Variants in ASIC2 observed in about 807,000 individuals in gnomAD.
ASIC2 encodes the protein acid-sensing ion channel 2.
ASIC2 carries 25 observed loss-of-function variants against 57.3 expected under a neutral mutation model. The observed-to-expected ratio is 0.44, with a 90% CI of 0.32 to 0.61. The LOEUF (loss-of-function observed/expected upper bound fraction) is 0.61. ASIC2 is among the 20% of genes least tolerant of loss of function. ASIC2 has a pLI of 0.06. For missense variants in ASIC2, 641 were observed against 738.1 expected, an observed-to-expected ratio of 0.87 and a Z score of 1.52; for synonymous variants, 319 against 307.5, an observed-to-expected ratio of 1.04 and a Z score of -0.39.
chr17:33,507,770 G>T (rs974958890), intron 1 of ASIC2, among the ~76,000 whole-genome samples: 2 of 152,084 alleles, frequency 1.3e-5, no homozygotes, highest in Non-Finnish European at 2.9e-5. Flanking sequence ...GGGCCTGGTG[G>T]CACATATGCC....
chr17:33,190,129 T>TA (rs1906355617), intron 1 of ASIC2, among the ~76,000 whole-genome samples: 1 of 152,124 alleles, frequency 6.6e-6, no homozygotes, highest in African/African-American at 2.4e-5. Flanking sequence ...ATCATCTACA[T>TA]AAAAAATCCT....
chr17:33,492,211 T>C (rs567044019), intron 1 of ASIC2, among the ~76,000 whole-genome samples: 6 of 152,368 alleles, frequency 3.9e-5, no homozygotes, highest in African/African-American at 1.4e-4. Flanking sequence ...ATTCATTTAA[T>C]CTGCACAGCA....
chr17:33,464,475 C>CTTTCT (rs1567620854), intron 1 of ASIC2, among the ~76,000 whole-genome samples: 4 of 73,958 alleles, frequency 5.4e-5, no homozygotes, highest in Admixed American at 1.3e-4. Context: ...TTCTTTCTTT[C>CTTTCT]TTTTCTCTCT....
At chr17:34,059,418 G>A (rs192684830) in intron 1 of ASIC2, among the ~76,000 whole-genome samples, 2 of 152,150 alleles carry the variant, frequency 1.3e-5, no homozygotes, top group Admixed American at 6.5e-5. Context: ...AGGAGCAGAG[G>A]GTAAAACTCC....
rs563122052 is a variant in ASIC2 at position 33,834,739 on chromosome 17, T to G, written c.555+321239A>C. 4.9e-4 allele frequency among the ~76,000 whole-genome samples: 74 copies of G among 152,312 alleles called. No individual in the cohort carries two copies. In the South Asian group the frequency reaches 0.014, roughly 29 times the overall value. The stretch of plus-strand genomic sequence containing the variant: ...TAACACAATTTTTAGTCTTTCTCAC[T>G]GCAACAAATTTATCTTTGCCCCAAG... On this transcript the variant is annotated intron_variant, in intron 1 of 9. Transcript: ENST00000359872.
intron 1 of ASIC2, among the ~76,000 whole-genome samples, chr17:33,343,847 G>A (rs1171713497): frequency 6.6e-6 from 1 of 152,200 alleles, no homozygotes; most frequent in Non-Finnish European, 1.5e-5. Flanking sequence ...CTGTGTGAAA[G>A]TCATGGGGGA....
At position 33,345,900 on chromosome 17, in the gene ASIC2, G is replaced by A. The variant is rs566236859; in HGVS notation, c.556-233833C>T. ...TTCCAGTAGAATGATGAGAAATGAT[G>A]GTGGCTTGGAGTAAGGTGTTGACAG... On this transcript the variant is annotated intron_variant, in intron 1 of 9. Coordinates refer to the ASIC2 transcript ENST00000359872. Among the ~76,000 whole-genome samples the A allele has an allele frequency of 5.9e-5, 9 of 152,168 alleles. No homozygotes were observed. The South Asian group carries it at 1.9e-3, about 32-fold the overall frequency.
intron 1 of ASIC2, among the ~76,000 whole-genome samples, chr17:33,307,590 A>G (rs373591376): frequency 7.6e-4 from 115 of 152,300 alleles, no homozygotes; most frequent in African/African-American, 2.7e-3. Context: ...GATTACAGGC[A>G]TAAGCCAGCA....
At chr17:33,447,980 G>C (rs903279070) in intron 1 of ASIC2, among the ~76,000 whole-genome samples, 2 of 146,058 alleles carry the variant, frequency 1.4e-5, no homozygotes, top group African/African-American at 5.0e-5. Flanking sequence ...ATACTGATTT[G>C]ATCTTCACTA....
chr17:33,724,632 G>T (rs146282103), intron 1 of ASIC2, among the ~76,000 whole-genome samples: 1 of 152,184 alleles, frequency 6.6e-6, no homozygotes, highest in Non-Finnish European at 1.5e-5. Flanking sequence ...CTGTGCACTT[G>T]GCAGAATGCA....
rs186692046 is a variant in ASIC2 at position 33,566,820 on chromosome 17, C to T, written c.556-454753G>A. 2.0e-3 allele frequency among the ~76,000 whole-genome samples: 301 copies of T among 152,276 alleles called. 1 individual carries two copies. The highest frequency in any genetic ancestry group is 1.6e-3 in the Non-Finnish European group (107 of 68,030). ...CACACAGGGCCCTCCGTGATCTTTC[C>T]TGACTGTGTCCCCTGCTGTCTCAAC... is the stretch of plus-strand genomic sequence containing the variant. On this transcript the variant is annotated intron_variant, in intron 1 of 9. Coordinates refer to the ASIC2 transcript ENST00000359872.
At chr17:33,670,093 C>G (rs1003416044) in intron 1 of ASIC2, among the ~76,000 whole-genome samples, 1 of 152,172 alleles carries the variant, frequency 6.6e-6, no homozygotes, top group Non-Finnish European at 1.5e-5. Context: ...ACACCCCACC[C>G]TGGCACAGAG....
In ASIC2 at chr17:33,615,269, G is replaced by A. The variant is rs145990009; in HGVS notation, c.556-503202C>T. On this transcript the variant is annotated intron_variant, in intron 1 of 9. Coordinates refer to the ASIC2 transcript ENST00000359872. ...CATTGCCAATTTTTCCATAAAAATT[G>A]TGATAACTTGTATAGGCAGTACTTA... Among the ~76,000 whole-genome samples, 28 of 152,252 alleles carry A rather than the reference G, an allele frequency of 1.8e-4. No individual in the cohort carries two copies. The East Asian group carries it at 3.7e-3, about 20-fold the overall frequency.
At position 33,052,193 on chromosome 17, in the gene ASIC2, C is replaced by T. The variant is rs559970990; in HGVS notation, c.988-23801G>A. ...TCAGTTGTTGAAAGCAAGATATGAA[C>T]ACACAGAGTCAGGCACCGCCAAATG... On this transcript the variant is annotated intron_variant, in intron 3 of 9. Transcript: ENST00000225823. 12 of 152,322 alleles carry T rather than the reference C, an allele frequency of 7.9e-5. 1 individual carries two copies. The highest frequency in any genetic ancestry group is 2.9e-4 in the African/African-American group (12 of 41,588). 9.4% of individuals were successfully genotyped at this position (152,322 alleles called of 1,614,324 possible). A position where few individuals can be genotyped will look rare whatever the true frequency, so the allele number is the denominator to read the frequency against.
intron 1 of ASIC2, among the ~76,000 whole-genome samples, chr17:33,187,939 A>G (rs1233286961): frequency 6.6e-6 from 1 of 151,676 alleles, no homozygotes; most frequent in Non-Finnish European, 1.5e-5. Context: ...AAAAAGAAAA[A>G]AAAGAAAAAA....
chr17:33,993,335 G>A lies in ASIC2; in HGVS notation c.555+162643C>T, dbSNP rs4310918. Among the ~76,000 whole-genome samples the A allele has an allele frequency of 6.2e-4, 94 of 152,296 alleles. No individual in the cohort carries two copies. The East Asian group carries it at 0.014, about 23-fold the overall frequency. On this transcript the variant is annotated intron_variant, in intron 1 of 9. Transcript: ENST00000359872. ...ATGATTTAGTTAGGTAGCCATTTAA[G>A]AGACAGCATCTTGACTTGTCCAAAA...
intron 1 of ASIC2, among the ~76,000 whole-genome samples, chr17:33,695,682 C>G (rs1908502694): frequency 6.6e-6 from 1 of 152,154 alleles, no homozygotes; most frequent in South Asian, 2.1e-4. Flanking sequence ...TTTACTTACA[C>G]ATAGGCACAC....
chr17:33,213,306 C>A (rs1907352420), intron 1 of ASIC2, among the ~76,000 whole-genome samples: 1 of 152,146 alleles, frequency 6.6e-6, no homozygotes, highest in Non-Finnish European at 1.5e-5. Flanking sequence ...CAGAAACAAG[C>A]CCTGGTGGTT....
rs533369055 is a variant in ASIC2, at chr17:33,821,874, T to G, written c.555+334104A>C. Among the ~76,000 whole-genome samples, 177 of 152,292 alleles carry G rather than the reference T, an allele frequency of 1.2e-3. 1 individual carries two copies. Among genetic ancestry groups the G allele is most frequent in the African/African-American group, 4.0e-3 (166 of 41,566 alleles). On this transcript the variant is annotated intron_variant, in intron 1 of 9. Coordinates refer to the ASIC2 transcript ENST00000359872. ...TGTGTTTCTCCGTGGGGGAACCCAA[T>G]ACCTGGAGGTATAACAGTGAGCCCC...
Sources: allele counts gnomAD v4.1 joint callset (sites outside exome capture counted in the v4.1 genomes callset), GRCh38; gene constraint gnomAD v4.1.1; transcripts MANE v1.5; gene names NCBI Gene and HGNC (gene_info 2026-07-23, HGNC 2026-07-21).